The following PTTG1IP2 variants were observed in gnomAD, a reference collection of about 807,000 sequenced individuals.
The protein encoded by PTTG1IP2 is PTTG1IP family member 2.
At chr7:90,510,291 G>GA (rs945239905) in intron 6 of PTTG1IP2, among the ~76,000 whole-genome samples, 3 of 151,702 alleles carry the variant, frequency 2.0e-5, no homozygotes, top group Admixed American at 1.3e-4. Flanking sequence ...TATCCGAAAA[G>GA]AAAAAACAAA....
chr7:90,491,085 T>C (rs1183995557), intron 4 of PTTG1IP2, among the ~76,000 whole-genome samples: 1 of 152,180 alleles, frequency 6.6e-6, no homozygotes, highest in Non-Finnish European at 1.5e-5. Context: ...TTTAAAAAAA[T>C]ACCCTAGAAT....
chr7:90,495,904 G>A (rs747644872), intron 6 of PTTG1IP2, among the ~76,000 whole-genome samples: 4 of 152,160 alleles, frequency 2.6e-5, no homozygotes, highest in Non-Finnish European at 5.9e-5. Context: ...GTTGGGATTT[G>A]GCATTTATAG....
intron 2 of PTTG1IP2, among the ~76,000 whole-genome samples, chr7:90,482,773 C>T (rs1409982651): frequency 6.6e-6 from 1 of 152,096 alleles, no homozygotes; most frequent in African/African-American, 2.4e-5. Flanking sequence ...ACTGTTGCAA[C>T]TGACTTAAAA....
intron 1 of PTTG1IP2, among the ~76,000 whole-genome samples, chr7:90,470,963 C>A (rs78653771): frequency 0.012 from 1,286 of 107,010 alleles, no homozygotes; most frequent in Non-Finnish European, 0.018. Flanking sequence ...TGATGAAGAA[C>A]AAAAAAAAAA....
At chr7:90,499,983 G>A (rs989338450) in intron 6 of PTTG1IP2, among the ~76,000 whole-genome samples, 2 of 152,068 alleles carry the variant, frequency 1.3e-5, no homozygotes, top group African/African-American at 2.4e-5. Context: ...GAAGGCCAAG[G>A]GGGGCAGATC....
At chr7:90,492,160 C>T (rs1797946274) in intron 4 of PTTG1IP2, 79 bp from the exon 5 acceptor site, 2 of 152,052 alleles carry the variant, frequency 1.3e-5, no homozygotes, top group Non-Finnish European at 2.9e-5. Context: ...AAAAAGTAGT[C>T]TATCTAATGA....
chr7:90,510,559 G>A (rs1562991342), intron 6 of PTTG1IP2, among the ~76,000 whole-genome samples: 4 of 152,186 alleles, frequency 2.6e-5, no homozygotes, highest in African/African-American at 7.2e-5. Flanking sequence ...CTATGTGTGT[G>A]TCTTTAGTTG....
In PTTG1IP2 at chr7:90,494,392, G is replaced by T. The variant is rs994552621; in HGVS notation, c.*12G>T. 6.6e-6 allele frequency: 1 copy of T among 152,086 alleles called. No homozygotes were observed. Among genetic ancestry groups the T allele is most frequent in the Non-Finnish European group, 1.5e-5 (1 of 68,016 alleles). The allele number at this position is 152,086 out of a possible 1,614,324, so 9.4% of individuals were successfully genotyped here. ...TATATGATGAATAGATAATTGAAAA[G>T]AGATCCTCCAGAAAGAGCAGAAGGA... On this transcript the variant is annotated 3_prime_UTR_variant, in exon 6 of 7. Coordinates refer to ENST00000509356, the MANE Select transcript of PTTG1IP2 (RefSeq NM_001365443.2).
chr7:90,512,985 C>G (rs1482154736), intron 6 of PTTG1IP2, among the ~76,000 whole-genome samples: 2 of 152,168 alleles, frequency 1.3e-5, no homozygotes, highest in Admixed American at 1.3e-4. Flanking sequence ...TCAATGAGAT[C>G]CTTCATGAAC....
chr7:90,506,520 T>C (rs1798126498), intron 6 of PTTG1IP2, among the ~76,000 whole-genome samples: 1 of 152,208 alleles, frequency 6.6e-6, no homozygotes, highest in South Asian at 2.1e-4. Context: ...CCCAGCACTT[T>C]GGGAGGCCAA....
At chr7:90,501,265 C>A (rs1364473568) in intron 6 of PTTG1IP2, among the ~76,000 whole-genome samples, 2 of 152,196 alleles carry the variant, frequency 1.3e-5, no homozygotes, top group Non-Finnish European at 2.9e-5. Flanking sequence ...TAAAGCCAGT[C>A]ACACATTATT....
intron 6 of PTTG1IP2, among the ~76,000 whole-genome samples, chr7:90,504,572 A>G (rs2116119145): frequency 6.6e-6 from 1 of 152,280 alleles, no homozygotes. Flanking sequence ...GTGTTTCAAT[A>G]AATTTTTATT....
intron 1 of PTTG1IP2, among the ~76,000 whole-genome samples, chr7:90,475,193 G>A (rs148791913): frequency 1.4e-3 from 207 of 152,318 alleles, no homozygotes; most frequent in Non-Finnish European, 2.6e-3. Context: ...ATGGCAAGCA[G>A]TAAAAAATCT....
At chr7:90,498,853 T>C (rs1584698719) in intron 6 of PTTG1IP2, among the ~76,000 whole-genome samples, 1 of 152,186 alleles carries the variant, frequency 6.6e-6, no homozygotes, top group South Asian at 2.1e-4. Context: ...AAATTTTTTT[T>C]TAATTTTCTT....
intron 6 of PTTG1IP2, among the ~76,000 whole-genome samples, chr7:90,500,735 G>C (rs900452334): frequency 6.6e-6 from 1 of 152,172 alleles, no homozygotes; most frequent in Non-Finnish European, 1.5e-5. Context: ...TTAGATGTGG[G>C]AGGCCCTCCA....
intron 6 of PTTG1IP2, among the ~76,000 whole-genome samples, chr7:90,496,017 C>T (rs1410548081): frequency 2.6e-5 from 4 of 152,218 alleles, no homozygotes; most frequent in Non-Finnish European, 5.9e-5. Flanking sequence ...TCCCCACTGA[C>T]ATAAATGATC....
At chr7:90,510,452 A>G (rs1489547672) in intron 6 of PTTG1IP2, among the ~76,000 whole-genome samples, 1 of 152,190 alleles carries the variant, frequency 6.6e-6, no homozygotes. Context: ...ATAAGGGAGA[A>G]TCATGTACAC....
chr7:90,508,263 CA>C (rs5885728), intron 6 of PTTG1IP2, among the ~76,000 whole-genome samples: 15,148 of 76,734 alleles, frequency 0.2, 767 homozygotes, highest in Middle Eastern at 0.3. Flanking sequence ...GAACTCGTCT[CA>C]AAAAAAAAAA....
intron 6 of PTTG1IP2, among the ~76,000 whole-genome samples, chr7:90,496,555 A>G (rs1009693288): frequency 6.6e-6 from 1 of 152,002 alleles, no homozygotes; most frequent in Non-Finnish European, 1.5e-5. Context: ...AGGGCTGACC[A>G]TTTTGTTTAT....
Sources: allele counts gnomAD v4.1 joint callset (sites outside exome capture counted in the v4.1 genomes callset), GRCh38; gene constraint gnomAD v4.1.1; transcripts MANE v1.5; gene names NCBI Gene and HGNC (gene_info 2026-07-23, HGNC 2026-07-21).